SLC38A9: variants seen among roughly 807,000 people sequenced by gnomAD.
SLC38A9 encodes solute carrier family 38 member 9.
Under a neutral mutation model 62.3 loss-of-function variants are expected in SLC38A9, and 48 were observed. That is an observed-to-expected ratio of 0.77 (90% CI 0.61 to 0.98). The LOEUF (loss-of-function observed/expected upper bound fraction) is 0.98, where lower values mean the gene tolerates loss of function less well. Among genes scored for constraint, SLC38A9 ranks in the 50% least tolerant of loss-of-function variants. SLC38A9 has a pLI of 0.00. For missense variants in SLC38A9, 541 were observed against 679.8 expected (o/e 0.80, Z 2.27); for synonymous variants, 204 against 227.7 (o/e 0.90, Z 0.94).
intron 4 of SLC38A9, among the ~76,000 whole-genome samples, chr5:55,671,445 G>T (rs1342284045): frequency 6.6e-6 from 1 of 150,870 alleles, no homozygotes; most frequent in African/African-American, 2.4e-5. Flanking sequence ...ATCAATAAAA[G>T]AATAATGCTA....
At chr5:55,632,309 G>A (rs1209750872) in intron 14 of SLC38A9, among the ~76,000 whole-genome samples, 5 of 151,980 alleles carry the variant, frequency 3.3e-5, no homozygotes, top group Admixed American at 6.6e-5. Flanking sequence ...ATGGTGGTGG[G>A]CGCCTGTAGT....
intron 2 of SLC38A9, among the ~76,000 whole-genome samples, chr5:55,706,847 T>A (rs541445801): frequency 2.6e-5 from 4 of 152,276 alleles, no homozygotes; most frequent in South Asian, 4.1e-4. Context: ...TTAAATTTTT[T>A]AATTTTTATT....
chr5:55,683,151 T>C (rs1200648832), intron 3 of SLC38A9, among the ~76,000 whole-genome samples: 1 of 152,196 alleles, frequency 6.6e-6, no homozygotes, highest in African/African-American at 2.4e-5. Context: ...TACTATGTGA[T>C]CTCACCTAAA....
Position 55,627,984 on chromosome 5 carries a change from G to GA in SLC38A9, c.1431-5dup, listed in dbSNP as rs756306795. 1.2e-6 allele frequency: 2 copies of GA among 1,602,562 alleles called. No individual in the cohort carries two copies. The highest frequency in any genetic ancestry group is 2.2e-5 in the South Asian group (2 of 90,436). On this transcript the variant is annotated splice_region_variant and splice_polypyrimidine_tract_variant and intron_variant, in intron 14 of 15. Transcript: ENST00000396865. ...AAGAATCAGCACATGGAAAATGCTA[G>GA]AAGTTGAGAAGAGAGTTTGGAAGAA... is the stretch of plus-strand genomic sequence containing the variant.
chr5:55,632,203 T>C (rs1743588648), intron 14 of SLC38A9, among the ~76,000 whole-genome samples: 1 of 152,142 alleles, frequency 6.6e-6, no homozygotes, highest in Non-Finnish European at 1.5e-5. Flanking sequence ...TTTGGAAGGC[T>C]GAGGCGGGCG....
Position 55,645,825 on chromosome 5 carries a change from G to T in SLC38A9, c.1131C>A (p.Ile377=). 2 of 1,611,646 alleles carry T rather than the reference G, an allele frequency of 1.2e-6. No individual in the cohort carries two copies. Among genetic ancestry groups the T allele is most frequent in the South Asian group, 2.2e-5 (2 of 90,314 alleles). ...GTTTCTTGTTGTTCTTCAAGAGTGTGATGATACAATTATGAATAAAAAAAG... is the reference window on the plus strand; with the variant it reads ...GTTTCTTGTTGTTCTTCAAGAGTGTTATGATACAATTATGAATAAAAAAAG... ...TLAFFIHNCI[I]TLLKNNKKQE... is the part of the protein sequence containing the mutation. The change falls in exon 12 of 16, where the codon ATC becomes ATA. Residue 377 remains isoleucine, a synonymous_variant. Coordinates refer to ENST00000396865, the MANE Select transcript of SLC38A9 (RefSeq NM_173514.4).
In SLC38A9 at chr5:55,698,005, G is replaced by A. The variant is rs779079105; in HGVS notation, c.-34-13C>T. On this transcript the variant is annotated splice_polypyrimidine_tract_variant and intron_variant, in intron 2 of 15. Coordinates refer to ENST00000396865, the MANE Select transcript of SLC38A9 (RefSeq NM_173514.4). The stretch of plus-strand genomic sequence containing the variant: ...GAAGAAGTTAGTCCTACACAAAGAA[G>A]ATAAATAATTTAGTTTAATTTTAAA... 4 of 861,702 alleles carry A rather than the reference G, an allele frequency of 4.6e-6. No individual in the cohort carries two copies. The South Asian group carries it at 6.9e-5, about 15-fold the overall frequency. 53.4% of individuals were successfully genotyped at this position (861,702 alleles called of 1,614,324 possible). A position where few individuals can be genotyped will look rare whatever the true frequency, so the allele number is the denominator to read the frequency against.
intron 3 of SLC38A9, 91 bp from the exon 4 acceptor site, chr5:55,672,786 G>C (rs1751524178): frequency 1.5e-6 from 2 of 1,295,304 alleles, no homozygotes; most frequent in African/African-American, 3.0e-5. Flanking sequence ...TCCTCCATTA[G>C]TAATGGGATG....
At chr5:55,651,057 C>T (rs959626982) in intron 10 of SLC38A9, among the ~76,000 whole-genome samples, 5 of 152,010 alleles carry the variant, frequency 3.3e-5, no homozygotes, top group Non-Finnish European at 5.9e-5. Context: ...TCCCAAAGTG[C>T]TGGGATTACA....
At chr5:55,672,361 T>C (rs1363194148) in intron 4 of SLC38A9, among the ~76,000 whole-genome samples, 1 of 152,226 alleles carries the variant, frequency 6.6e-6, no homozygotes, top group Non-Finnish European at 1.5e-5. Context: ...GTTGTCAACA[T>C]AGAAACATTG....
chr5:55,700,120 C>T (rs766370780), intron 2 of SLC38A9, among the ~76,000 whole-genome samples: 1 of 151,914 alleles, frequency 6.6e-6, no homozygotes, highest in Non-Finnish European at 1.5e-5. Context: ...GTGGGCAGAT[C>T]ACTTGAGGTC....
At chr5:55,649,971 A>T (rs6860292) in intron 10 of SLC38A9, among the ~76,000 whole-genome samples, 6,395 of 152,242 alleles carry the variant, frequency 0.042, 212 homozygotes, top group African/African-American at 0.091. Flanking sequence ...ATTACATAGG[A>T]TTGAAAAAAA....
At chr5:55,686,129 TGGG>T (rs1753783528) in intron 3 of SLC38A9, among the ~76,000 whole-genome samples, 1 of 152,214 alleles carries the variant, frequency 6.6e-6, no homozygotes, top group Non-Finnish European at 1.5e-5. Flanking sequence ...TATATTCCTT[TGGG>T]TATATACCCA....
chr5:55,654,124 C>T (rs1436611089), intron 9 of SLC38A9, among the ~76,000 whole-genome samples: 2 of 152,084 alleles, frequency 1.3e-5, no homozygotes, highest in Non-Finnish European at 1.5e-5. Flanking sequence ...ATTAAGTAAC[C>T]CTTATGCTCA....
chr5:55,697,654 G>GAAAA (rs3042033), intron 3 of SLC38A9, among the ~76,000 whole-genome samples, 192 bp downstream of exon 3: 163 of 131,292 alleles, frequency 1.2e-3, no homozygotes, highest in Middle Eastern at 8.1e-3. Flanking sequence ...TGAGTTTAGT[G>GAAAA]AAAAAAAAAA....
intron 14 of SLC38A9, 112 bp downstream of exon 14, chr5:55,633,642 C>A: frequency 7.0e-7 from 1 of 1,435,174 alleles, no homozygotes; most frequent in Non-Finnish European, 9.5e-7. Flanking sequence ...CTTTAGTCAC[C>A]ACTTGCATTA....
intron 3 of SLC38A9, among the ~76,000 whole-genome samples, chr5:55,689,787 G>T (rs1754473135): frequency 6.6e-6 from 1 of 152,012 alleles, no homozygotes. Context: ...GTTTTATCTG[G>T]GTATTAAATG....
At chr5:55,629,580 G>C (rs576520563) in intron 14 of SLC38A9, among the ~76,000 whole-genome samples, 2 of 152,312 alleles carry the variant, frequency 1.3e-5, no homozygotes, top group South Asian at 4.1e-4. Context: ...AAAAGTACCT[G>C]TGTGGCTGAG....
At chr5:55,656,586 G>A in intron 9 of SLC38A9, 129 bp downstream of exon 9, 1 of 652,280 alleles carries the variant, frequency 1.5e-6, no homozygotes, top group Non-Finnish European at 2.7e-6. Context: ...CAACAATTTA[G>A]TAGCAGCTCA....
Sources: allele counts gnomAD v4.1 joint callset (sites outside exome capture counted in the v4.1 genomes callset), GRCh38; gene constraint gnomAD v4.1.1; transcripts MANE v1.5; gene names NCBI Gene and HGNC (gene_info 2026-07-23, HGNC 2026-07-21).